Variants in CHD7 observed in about 807,000 individuals in gnomAD.
The protein encoded by CHD7 is chromodomain helicase DNA binding protein 7.
A neutral mutation model predicts 307.3 loss-of-function variants in CHD7; 24 were observed. That is an observed-to-expected ratio of 0.08 (90% CI 0.06 to 0.11). The LOEUF is 0.11. Ranked by LOEUF, CHD7 falls within the 10% of genes least tolerant of loss-of-function variation. The pLI is 1.00. For synonymous variants in CHD7, 1,363 were observed against 1,349.9 expected, an observed-to-expected ratio of 1.01 and a Z score of -0.21; for missense variants, 3,106 against 3,727.1, an observed-to-expected ratio of 0.83 and a Z score of 4.34.
intron 8 of CHD7, among the ~76,000 whole-genome samples, chr8:60,817,644 G>C (rs137867139): frequency 6.6e-6 from 1 of 152,318 alleles, no homozygotes; most frequent in African/African-American, 2.4e-5. Flanking sequence ...TCAATTCATA[G>C]ATCTTGGAGA....
intron 1 of CHD7, among the ~76,000 whole-genome samples, chr8:60,696,561 C>T (rs1026971117): frequency 2.0e-5 from 3 of 151,668 alleles, no homozygotes; most frequent in African/African-American, 4.8e-5. Context: ...AATGCTCCAG[C>T]AGTGCTTGTT....
rs139591610 is a variant in CHD7 at position 60,840,582 on chromosome 8, A to G, written c.4534-1062A>G. On this transcript the variant is annotated intron_variant, in intron 19 of 37. Transcript: ENST00000423902. Reference sequence around the variant, plus strand: ...GAACACATGGCTCAAGTGACCTTCCACCTTCAGCTTCCCAATAATTTTACC... The same window carrying G: ...GAACACATGGCTCAAGTGACCTTCCGCCTTCAGCTTCCCAATAATTTTACC... Among the ~76,000 whole-genome samples, 7 of 149,986 alleles carry G rather than the reference A, an allele frequency of 4.7e-5. No individual in the cohort carries two copies. In the East Asian group the frequency reaches 1.2e-3, roughly 25 times the overall value.
At position 60,688,349 on chromosome 8, in the gene CHD7, T is replaced by A. The variant is rs938444491; in HGVS notation, c.-175+9267T>A. On this transcript the variant is annotated intron_variant, in intron 1 of 37. Transcript: ENST00000423902. Reference sequence around the variant, plus strand: ...GCATATGGCATATTCATTGAGTGGTTACTATTTTTATTAGTTCAGTTTAAT... The same window carrying A: ...GCATATGGCATATTCATTGAGTGGTAACTATTTTTATTAGTTCAGTTTAAT... Among the ~76,000 whole-genome samples, 78 of 152,258 alleles carry A rather than the reference T, an allele frequency of 5.1e-4. 1 individual carries two copies. The highest frequency in any genetic ancestry group is 1.1e-3 in the Admixed American group (17 of 15,292).
At chr8:60,764,751 C>A (rs1253691361) in intron 2 of CHD7, among the ~76,000 whole-genome samples, 1 of 152,072 alleles carries the variant, frequency 6.6e-6, no homozygotes, top group African/African-American at 2.4e-5. Flanking sequence ...GTAACTGTAA[C>A]AAAGAGATAA....
chr8:60,757,501 T>C (rs991424622), intron 2 of CHD7, among the ~76,000 whole-genome samples: 12 of 152,236 alleles, frequency 7.9e-5, no homozygotes, highest in Non-Finnish European at 1.5e-4. Flanking sequence ...GTCACCTGGA[T>C]GAAATGAAGG....
At chr8:60,818,146 C>T (rs1010591514) in intron 8 of CHD7, among the ~76,000 whole-genome samples, 2 of 152,174 alleles carry the variant, frequency 1.3e-5, no homozygotes, top group Non-Finnish European at 2.9e-5. Flanking sequence ...CACACGCCCC[C>T]GTTTGTTTCA....
At chr8:60,841,817 T>C in intron 20 of CHD7, 30 bp from the exon 21 acceptor site, 1 of 1,609,692 alleles carries the variant, frequency 6.2e-7, no homozygotes, top group Non-Finnish European at 8.5e-7. Context: ...CTTTGAGAAA[T>C]GTCAAATGTA....
At chr8:60,830,974 C>T (rs561858605) in intron 15 of CHD7, among the ~76,000 whole-genome samples, 1 of 152,288 alleles carries the variant, frequency 6.6e-6, no homozygotes, top group African/African-American at 2.4e-5. Flanking sequence ...CAGCTATCAG[C>T]TGTCTCAAGC....
chr8:60,787,102 G>T (rs1586326807), intron 3 of CHD7, among the ~76,000 whole-genome samples: 1 of 152,052 alleles, frequency 6.6e-6, no homozygotes, highest in African/African-American at 2.4e-5. Flanking sequence ...TTTATGTGTA[G>T]CCCTGACTTC....
intron 2 of CHD7, among the ~76,000 whole-genome samples, chr8:60,743,528 T>C (rs551204141): frequency 6.6e-6 from 1 of 152,358 alleles, no homozygotes; most frequent in East Asian, 1.9e-4. Context: ...TCCTTTTATA[T>C]TGTGATATTT....
intron 14 of CHD7, among the ~76,000 whole-genome samples, chr8:60,829,818 CTGTA>C (rs1804419219): frequency 6.6e-6 from 1 of 152,110 alleles, no homozygotes; most frequent in Non-Finnish European, 1.5e-5. Context: ...AAAATAAAAA[CTGTA>C]TGGATTACTC....
chr8:60,742,810 C>A lies in CHD7; in HGVS notation c.1378C>A (p.Pro460Thr), dbSNP rs779125003. The change falls in exon 2 of 38, where the codon CCA becomes ACA. Residue 460 changes from proline (P) to threonine (T), a missense_variant. Pro to Thr is a conservative substitution (Grantham distance 38). Transcript: ENST00000423902. ...CCCCAGAAACATGCAGCAGTCTCGT[C>A]CATTTATAGGCATGTCCTCGGCACC... ...MGPRNMQQSR[P>T]FIGMSSAPRE... The A allele has an allele frequency of 6.2e-7, 1 of 1,613,968 alleles. No individual in the cohort carries two copies. The highest frequency in any genetic ancestry group is 1.1e-5 in the South Asian group (1 of 91,070).
chr8:60,719,037 T>G (rs574411170), intron 1 of CHD7, among the ~76,000 whole-genome samples: 12 of 152,250 alleles, frequency 7.9e-5, no homozygotes, highest in Non-Finnish European at 1.5e-4. Flanking sequence ...TCTTGGTTTG[T>G]GTAAGTGCAC....
chr8:60,681,686 G>A (rs1330646381), intron 1 of CHD7, among the ~76,000 whole-genome samples: 2 of 152,160 alleles, frequency 1.3e-5, no homozygotes, highest in African/African-American at 4.8e-5. Flanking sequence ...GCTGATAAAA[G>A]GACATAATGG....
intron 19 of CHD7, 137 bp downstream of exon 19, chr8:60,838,392 C>A (rs1804832118): frequency 6.6e-6 from 5 of 761,848 alleles, no homozygotes; most frequent in Non-Finnish European, 1.1e-5. Context: ...GAACCCCTGG[C>A]ACATGAAGCT....
chr8:60,690,535 G>A (rs1312152243), intron 1 of CHD7, among the ~76,000 whole-genome samples: 1 of 152,096 alleles, frequency 6.6e-6, no homozygotes, highest in East Asian at 1.9e-4. Context: ...AGTTTTATAG[G>A]GAACTTTGTG....
intron 7 of CHD7, chr8:60,809,446 T>G (rs1449621843): frequency 1.3e-5 from 2 of 151,938 alleles, no homozygotes; most frequent in African/African-American, 4.8e-5. Flanking sequence ...TTTACCAAAT[T>G]GAAACAAGAG....
chr8:60,788,417 A>G (rs968982993), intron 3 of CHD7, among the ~76,000 whole-genome samples: 6 of 152,210 alleles, frequency 3.9e-5, no homozygotes, highest in African/African-American at 9.7e-5. Context: ...CTGGGTTTAC[A>G]GGCCTGAGCC....
intron 2 of CHD7, among the ~76,000 whole-genome samples, chr8:60,766,817 C>T (rs1810490982): frequency 6.6e-6 from 1 of 152,116 alleles, no homozygotes; most frequent in African/African-American, 2.4e-5. Context: ...ATGGACTATA[C>T]AGCTGAATAG....
Sources: allele counts gnomAD v4.1 joint callset (sites outside exome capture counted in the v4.1 genomes callset), GRCh38; gene constraint gnomAD v4.1.1; transcripts MANE v1.5; gene names NCBI Gene and HGNC (gene_info 2026-07-23, HGNC 2026-07-21).